TMEM184B: variants seen among roughly 807,000 people sequenced by gnomAD.
TMEM184B encodes transmembrane protein 184B.
Under a neutral mutation model 41.8 loss-of-function variants are expected in TMEM184B, and 17 were observed. The observed-to-expected ratio is 0.41, with a 90% CI of 0.28 to 0.61. The LOEUF (loss-of-function observed/expected upper bound fraction) is 0.61, where lower values mean the gene tolerates loss of function less well. Ranked by LOEUF, TMEM184B falls within the 20% of genes least tolerant of loss-of-function variation. The pLI is 0.34. For missense variants in TMEM184B, 393 were observed against 557.8 expected, an observed-to-expected ratio of 0.70 and a Z score of 2.98; for synonymous variants, 240 against 229.5, an observed-to-expected ratio of 1.05 and a Z score of -0.41.
rs545213515 is a variant in TMEM184B at position 38,231,506 on chromosome 22, G to C, written c.359-172C>G. On this transcript the variant is annotated intron_variant, in intron 3 of 8. Coordinates refer to ENST00000361906, the MANE Select transcript of TMEM184B (RefSeq NM_012264.5). The stretch of plus-strand genomic sequence containing the variant: ...GAGCCCGTCAAGAACACAGACATCT[G>C]ACCTCCCACTCCTAAGTTCAAAACC... 2.4e-5 allele frequency: 17 copies of C among 717,470 alleles called. No homozygotes were observed. In the African/African-American group the frequency reaches 3.0e-4, roughly 12 times the overall value. The allele number at this position is 717,470 out of a possible 1,614,324, so 44.4% of individuals were successfully genotyped here.
At position 38,221,700 on chromosome 22, in the gene TMEM184B, G is replaced by A. The variant is rs1305791028; in HGVS notation, c.993C>T (p.Ala331=). 3.1e-6 allele frequency: 5 copies of A among 1,613,688 alleles called. No homozygotes were observed. In the African/African-American group the frequency reaches 4.0e-5, roughly 13 times the overall value. ...GGCTGCTGGAGATGCTCTTCATGGG[G>A]GCACAGCGGCCTGCCGGGCAGGGAG... ...DKRLDAQGRC[A]PMKSISSSLK... Residue 331 remains alanine (A), a synonymous_variant, in exon 9 of 9, where the codon GCC becomes GCT. Transcript: ENST00000361906.
At chr22:38,259,301 AT>A (rs1480583947) in intron 1 of TMEM184B, among the ~76,000 whole-genome samples, 1 of 152,172 alleles carries the variant, frequency 6.6e-6, no homozygotes, top group Non-Finnish European at 1.5e-5. Flanking sequence ...CTGAAGAATA[AT>A]CCCCCAAAGA....
chr22:38,240,810 T>C (rs2091890130), intron 3 of TMEM184B, among the ~76,000 whole-genome samples: 2 of 150,920 alleles, frequency 1.3e-5, no homozygotes, highest in South Asian at 2.1e-4. Flanking sequence ...CAGCAGACTT[T>C]CCAGAAATTA....
chr22:38,252,027 C>G (rs1000422235), intron 1 of TMEM184B, among the ~76,000 whole-genome samples: 4 of 151,940 alleles, frequency 2.6e-5, no homozygotes, highest in Admixed American at 1.3e-4. Flanking sequence ...TCCCAAGCAG[C>G]TGGGACCACA....
chr22:38,271,208 T>C (rs1159555249), intron 1 of TMEM184B, among the ~76,000 whole-genome samples: 1 of 152,206 alleles, frequency 6.6e-6, no homozygotes, highest in Non-Finnish European at 1.5e-5. Context: ...TTCCCAGCAC[T>C]GGGAGCCCCT....
In TMEM184B at chr22:38,225,398, C is replaced by T. The variant is rs1338153538; in HGVS notation, c.787+26G>A. On this transcript the variant is annotated intron_variant, in intron 7 of 8. Coordinates refer to ENST00000361906, the MANE Select transcript of TMEM184B (RefSeq NM_012264.5). The surrounding 1 kb of genome is among the most constrained non-coding windows in gnomAD (Gnocchi z 4.4). Reference sequence around the variant, plus strand: ...GCAGAGGACAGGGTGGCATGGGCAGCCTCCAGGTGCTGGGAGGGGGCTCAC... The same window carrying T: ...GCAGAGGACAGGGTGGCATGGGCAGTCTCCAGGTGCTGGGAGGGGGCTCAC... The T allele has an allele frequency of 6.5e-7, 1 of 1,535,236 alleles. No homozygotes were observed.
intron 1 of TMEM184B, among the ~76,000 whole-genome samples, chr22:38,249,066 G>C (rs1010494109): frequency 6.6e-6 from 1 of 152,086 alleles, no homozygotes; most frequent in Non-Finnish European, 1.5e-5. Context: ...TCGAACACGC[G>C]GGTCTGTCAC....
Position 38,225,536 on chromosome 22 carries a change from G to A in TMEM184B, c.675C>T (p.Ala225=), listed in dbSNP as rs1053136751. 1.2e-6 allele frequency: 2 copies of A among 1,606,518 alleles called. No homozygotes were observed. The highest frequency in any genetic ancestry group is 1.7e-6 in the Non-Finnish European group (2 of 1,177,062). Residue 225 remains alanine, a synonymous_variant, in exon 7 of 9, where the codon GCC becomes GCT. Transcript: ENST00000361906. The surrounding 1 kb of genome is among the most constrained non-coding windows in gnomAD (Gnocchi z 4.4). Reference sequence around the variant, plus strand: ...AGTAGAAGAGGAAGAGGGCGTAGAGGGCCAGGCTGACGGAGATGTTGTAGA... The same window carrying A: ...AGTAGAAGAGGAAGAGGGCGTAGAGAGCCAGGCTGACGGAGATGTTGTAGA... ...TIIYNISVSL[A]LYALFLFYFA...
intron 3 of TMEM184B, among the ~76,000 whole-genome samples, chr22:38,236,316 C>G (rs1210063268): frequency 6.6e-6 from 1 of 151,826 alleles, no homozygotes; most frequent in East Asian, 1.9e-4. Flanking sequence ...GAGAGAAGGA[C>G]CAGGATGAAC....
At chr22:38,268,886 G>C (rs1384019884) in intron 1 of TMEM184B, among the ~76,000 whole-genome samples, 1 of 152,260 alleles carries the variant, frequency 6.6e-6, no homozygotes, top group Non-Finnish European at 1.5e-5. Context: ...ACACAGGCCT[G>C]CGATGCCTCC....
chr22:38,221,871 A>C, intron 8 of TMEM184B, 161 bp from the exon 9 acceptor site: 2 of 1,070,742 alleles, frequency 1.9e-6, no homozygotes, highest in Non-Finnish European at 2.6e-6. Context: ...GGATATGAGA[A>C]GGGGCAGGAA....
chr22:38,240,682 G>A (rs1293346572), intron 3 of TMEM184B, among the ~76,000 whole-genome samples: 3 of 148,244 alleles, frequency 2.0e-5, no homozygotes, highest in African/African-American at 7.6e-5. Flanking sequence ...AGGACACTGG[G>A]GATTAAGACA....
chr22:38,234,028 C>A (rs1164159787), intron 3 of TMEM184B, among the ~76,000 whole-genome samples: 1 of 151,834 alleles, frequency 6.6e-6, no homozygotes, highest in Non-Finnish European at 1.5e-5. Flanking sequence ...CTCGGCCTCC[C>A]AAAGTGCTGA....
At chr22:38,261,964 G>A (rs1276814938) in intron 1 of TMEM184B, among the ~76,000 whole-genome samples, 1 of 152,160 alleles carries the variant, frequency 6.6e-6, no homozygotes, top group African/African-American at 2.4e-5. Flanking sequence ...AGCAAAGAGC[G>A]CACACGCGCC....
intron 1 of TMEM184B, among the ~76,000 whole-genome samples, chr22:38,262,013 T>C (rs2092376173): frequency 6.6e-6 from 1 of 152,248 alleles, no homozygotes; most frequent in African/African-American, 2.4e-5. Flanking sequence ...AGGCTGGACA[T>C]AACCCAATGC....
At chr22:38,262,337 C>T (rs867534034) in intron 1 of TMEM184B, among the ~76,000 whole-genome samples, 8 of 152,178 alleles carry the variant, frequency 5.3e-5, no homozygotes, top group African/African-American at 1.2e-4. Flanking sequence ...TACACAGAAG[C>T]CAGGGAGGTC....
At chr22:38,242,472 C>T (rs567761242) in intron 3 of TMEM184B, among the ~76,000 whole-genome samples, 7 of 151,862 alleles carry the variant, frequency 4.6e-5, no homozygotes, top group East Asian at 1.9e-4. Context: ...AGCGAGACTC[C>T]GTCTCTAAAA....
Position 38,224,915 on chromosome 22 carries a change from C to G in TMEM184B, c.852G>C (p.Ser284=), listed in dbSNP as rs201623224. Residue 284 remains serine (S), a synonymous_variant, in exon 8 of 9, where the codon TCG becomes TCC. Transcript: ENST00000361906. ...AIPKIHSARV[S]VGEGTVAAGY... ...CGGCAGCCACGGTGCCCTCGCCCAC[C>G]GACACGCGGGCCGAGTGGATTTTGG... 2.5e-6 allele frequency: 4 copies of G among 1,611,874 alleles called. No individual in the cohort carries two copies. In the African/African-American group the frequency reaches 5.3e-5, roughly 22 times the overall value.
Position 38,229,338 on chromosome 22 carries a change from C to T in TMEM184B, c.525+1331G>A, listed in dbSNP as rs553861393. On this transcript the variant is annotated intron_variant, in intron 5 of 8. Coordinates refer to ENST00000361906, the MANE Select transcript of TMEM184B (RefSeq NM_012264.5). ...TCCCTGAACAGGAGGCCGTGGGCTC[C>T]ACCACGCCGGGCTGAAAGCTCTACA... 7.9e-5 allele frequency among the ~76,000 whole-genome samples: 12 copies of T among 152,368 alleles called. No homozygotes were observed. In the East Asian group the frequency reaches 1.9e-3, roughly 24 times the overall value.
Sources: gnomAD v4.1 joint callset for allele counts (sites outside exome capture counted in the v4.1 genomes callset) on GRCh38, gnomAD v4.1.1 for gene constraint, Gnocchi (gnomAD v3.1) non-coding constraint, MANE v1.5 for transcripts, NCBI Gene and HGNC (gene_info 2026-07-23, HGNC 2026-07-21) for gene names.